ACOX2: variants seen among roughly 807,000 people sequenced by gnomAD.
ACOX2 encodes acyl-CoA oxidase 2.
A neutral mutation model predicts 77.5 loss-of-function variants in ACOX2; 59 were observed. That is an observed-to-expected ratio of 0.76 (90% confidence interval 0.62 to 0.95). The LOEUF (loss-of-function observed/expected upper bound fraction) is 0.95, where lower values mean the gene tolerates loss of function less well. ACOX2 is among the 40% of genes least tolerant of loss of function. The pLI is 0.00. For synonymous variants in ACOX2, 317 were observed against 340.1 expected, an observed-to-expected ratio of 0.93 and a Z score of 0.75; for missense variants, 837 against 880.4, an observed-to-expected ratio of 0.95 and a Z score of 0.62.
chr3:58,505,405 A>T lies in ACOX2; in HGVS notation c.1984-119T>A. The T allele has an allele frequency of 1.2e-6, 1 of 818,586 alleles. No homozygotes were observed. 50.7% of individuals were successfully genotyped at this position (818,586 alleles called of 1,614,324 possible). On this transcript the variant is annotated intron_variant, in intron 14 of 14. Transcript: ENST00000302819. The surrounding 1 kb of genome is among the most constrained non-coding windows in gnomAD (Gnocchi z 4.4). ...AACATTACGTAAGATTCTTAATTTT[A>T]AAAATTATTTCTAAGACTCATTTTG...
rs193083863 is a variant in ACOX2 at position 58,511,173 on chromosome 3, T to A, written c.1851-2148A>T. The A allele has an allele frequency of 7.7e-5, 29 of 376,770 alleles. No homozygotes were observed. In the East Asian group the frequency reaches 2.4e-3, roughly 31 times the overall value. The allele number at this position is 376,770 out of a possible 1,614,324, so 23.3% of individuals were successfully genotyped here. Reference sequence around the variant, plus strand: ...CCTCAGTCCCTCCTTGTCTACTAGATGTCTTTTCCTCTTGCATACTGGAGA... The same window carrying A: ...CCTCAGTCCCTCCTTGTCTACTAGAAGTCTTTTCCTCTTGCATACTGGAGA... On this transcript the variant is annotated intron_variant, in intron 13 of 14. Transcript: ENST00000302819.
intron 13 of ACOX2, chr3:58,511,085 T>C (rs1218637186): frequency 1.8e-5 from 8 of 456,406 alleles, no homozygotes; most frequent in Non-Finnish European, 3.5e-5. Context: ...AGAGAATCTG[T>C]GTAAGTTCCC....
rs1440735633 is a variant in ACOX2 at position 58,521,832 on chromosome 3, C to T, written c.1632+664G>A. On this transcript the variant is annotated intron_variant, in intron 12 of 14. Transcript: ENST00000302819. The surrounding 1 kb of genome is among the most constrained non-coding windows in gnomAD (Gnocchi z 4.8). ...CCCAAGCACACCAGGATCCTTCTTGCTGCTTCCTTTTGCACGCGCAGCTCC... is the reference window on the plus strand; with the variant it reads ...CCCAAGCACACCAGGATCCTTCTTGTTGCTTCCTTTTGCACGCGCAGCTCC... 6.6e-6 allele frequency among the ~76,000 whole-genome samples: 1 copy of T among 152,248 alleles called. No homozygotes were observed.
In ACOX2 at chr3:58,505,323, A is replaced by G; in HGVS notation, c.1984-37T>C. ...AAGAAACGCATTATTAACACAGTAC[A>G]TTTCTGCCAGGATTAATGACTTTCA... On this transcript the variant is annotated intron_variant, in intron 14 of 14. Transcript: ENST00000302819. The surrounding 1 kb of genome is among the most constrained non-coding windows in gnomAD (Gnocchi z 4.4). 1 of 1,527,788 alleles carries G rather than the reference A, an allele frequency of 6.5e-7. No homozygotes were observed. Among genetic ancestry groups the G allele is most frequent in the Non-Finnish European group, 8.9e-7 (1 of 1,119,570 alleles). The allele number at this position is 1,527,788 out of a possible 1,614,324, so 94.6% of individuals were successfully genotyped here.
chr3:58,518,207 T>G (rs2063335957), intron 12 of ACOX2, among the ~76,000 whole-genome samples: 1 of 152,002 alleles, frequency 6.6e-6, no homozygotes, highest in South Asian at 2.1e-4. Flanking sequence ...TCAAGATATA[T>G]ATGAAATTTA....
intron 13 of ACOX2, among the ~76,000 whole-genome samples, chr3:58,509,965 T>A (rs999168379): frequency 5.3e-5 from 8 of 152,146 alleles, no homozygotes; most frequent in Non-Finnish European, 1.2e-4. Context: ...AATATCTTGT[T>A]TATATTGCTG....
Position 58,514,700 on chromosome 3 carries a change from C to T in ACOX2, c.1850+2506G>A, listed in dbSNP as rs775856719. Among the ~76,000 whole-genome samples the T allele has an allele frequency of 7.4e-4, 113 of 152,328 alleles. No individual in the cohort carries two copies. Among genetic ancestry groups the T allele is most frequent in the Middle Eastern group, 3.4e-3 (1 of 294 alleles). On this transcript the variant is annotated intron_variant, in intron 13 of 14. Transcript: ENST00000302819. This position sits in a 1 kb window ranked among gnomAD's most constrained non-coding sequence, Gnocchi z 4.3. ...GGCAGATTGCATCTGGGCTGTCTGT[C>T]TTGTCTTGAATTGTAAGTTTCTGGA...
Position 58,512,656 on chromosome 3 carries a change from C to T in ACOX2, c.1851-3631G>A, listed in dbSNP as rs1035257892. On this transcript the variant is annotated intron_variant, in intron 13 of 14. Transcript: ENST00000302819. The surrounding 1 kb of genome is among the most constrained non-coding windows in gnomAD (Gnocchi z 4.8). ...GCCCCTGTGGCCTCTTCTGTGTTCTCTGGATGGATATGCCAAGCACACTCT... is the reference window on the plus strand; with the variant it reads ...GCCCCTGTGGCCTCTTCTGTGTTCTTTGGATGGATATGCCAAGCACACTCT... Among the ~76,000 whole-genome samples the T allele has an allele frequency of 2.0e-4, 31 of 152,192 alleles. No homozygotes were observed. Among genetic ancestry groups the T allele is most frequent in the Non-Finnish European group, 1.2e-4 (8 of 68,034 alleles).
rs1338247522 is a variant in ACOX2, at chr3:58,530,450, A to G, written c.992+16T>C. On this transcript the variant is annotated intron_variant, in intron 8 of 14. Transcript: ENST00000302819. ...GGCAGCATATCTGCGGTAGTCAGTC[A>G]CTGGGCACCCCTTGCCTGGGCCGGA... 1.2e-6 allele frequency: 2 copies of G among 1,611,926 alleles called. No individual in the cohort carries two copies. Among genetic ancestry groups the G allele is most frequent in the Non-Finnish European group, 1.7e-6 (2 of 1,178,600 alleles).
rs1229789791 is a variant in ACOX2, at chr3:58,523,893, A to G, written c.1526+533T>C. 6.6e-6 allele frequency among the ~76,000 whole-genome samples: 1 copy of G among 152,214 alleles called. No homozygotes were observed. The highest frequency in any genetic ancestry group is 1.5e-5 in the Non-Finnish European group (1 of 68,042). ...TGGCACATTTGTTCATTCCTAACAC[A>G]TAGTAGGTACTGAACAATATTTGTT... On this transcript the variant is annotated intron_variant, in intron 11 of 14. Transcript: ENST00000302819. The surrounding 1 kb of genome is among the most constrained non-coding windows in gnomAD (Gnocchi z 5.3).
Position 58,512,116 on chromosome 3 carries a change from T to C in ACOX2, c.1851-3091A>G, listed in dbSNP as rs2063292377. Among the ~76,000 whole-genome samples, 1 of 152,248 alleles carries C rather than the reference T, an allele frequency of 6.6e-6. No homozygotes were observed. Among genetic ancestry groups the C allele is most frequent in the Admixed American group, 6.5e-5 (1 of 15,284 alleles). On this transcript the variant is annotated intron_variant, in intron 13 of 14. Transcript: ENST00000302819. This position sits in a 1 kb window ranked among gnomAD's most constrained non-coding sequence, Gnocchi z 4.8. ...TCTGATAGGCTCTTCAAAAGTAATG[T>C]ATCTGAACCCAAACTCCTTCCCGTC...
At chr3:58,511,339 T>C in intron 13 of ACOX2, 1 of 375,382 alleles carries the variant, frequency 2.7e-6, no homozygotes, top group Non-Finnish European at 5.2e-6. Flanking sequence ...AGTGGGAAAG[T>C]GGTGCTGGTC....
chr3:58,506,377 C>T (rs2063234200), intron 14 of ACOX2, among the ~76,000 whole-genome samples: 1 of 152,218 alleles, frequency 6.6e-6, no homozygotes, highest in Admixed American at 6.5e-5. Context: ...AGAGCTTCTC[C>T]TATGATTCTA....
rs2108010196 is a variant in ACOX2, at chr3:58,531,994, C to T, written c.584-182G>A. 6.6e-6 allele frequency among the ~76,000 whole-genome samples: 1 copy of T among 152,262 alleles called. No individual in the cohort carries two copies. The highest frequency in any genetic ancestry group is 2.4e-5 in the African/African-American group (1 of 41,552). ...GCAAACCTAGCAGCGTTGGCAAAGG[C>T]ACTGTGAAATGATCCAGCTTTTTTT... On this transcript the variant is annotated intron_variant, in intron 5 of 14. Coordinates refer to ENST00000302819, the MANE Select transcript of ACOX2 (RefSeq NM_003500.4). This position sits in a 1 kb window ranked among gnomAD's most constrained non-coding sequence, Gnocchi z 5.8.
intron 13 of ACOX2, among the ~76,000 whole-genome samples, chr3:58,513,140 GC>G (rs2063299514): frequency 6.6e-6 from 1 of 151,942 alleles, no homozygotes; most frequent in Non-Finnish European, 1.5e-5. Context: ...CTGACCCCCA[GC>G]ATTCTTTCCT....
At position 58,526,510 on chromosome 3, in the gene ACOX2, A is replaced by G. The variant is rs1127745; in HGVS notation, c.1302T>C (p.Cys434=). The part of the protein sequence containing the change: ...PSLVTKLSAS[C]TYEGENTVLY... The stretch of plus-strand genomic sequence containing the variant: ...GCACTGTGTTCTCACCCTCGTAGGT[A>G]CAGGAGGCCGACAATTTGGTGACCA... Residue 434 remains cysteine, a synonymous_variant, in exon 10 of 15, where the codon TGT becomes TGC. Transcript: ENST00000302819. This position sits in a 1 kb window ranked among gnomAD's most constrained non-coding sequence, Gnocchi z 4.3. The G allele has an allele frequency of 0.13, 201,889 of 1,613,910 alleles. 23,975 individuals carry two copies. The highest frequency in any genetic ancestry group is 0.63 in the African/African-American group (47,603 of 74,970).
At chr3:58,530,248 C>T (rs2063427304) in intron 8 of ACOX2, among the ~76,000 whole-genome samples, 1 of 152,238 alleles carries the variant, frequency 6.6e-6, no homozygotes, top group African/African-American at 2.4e-5. Flanking sequence ...GCAGGTTAGG[C>T]CGGCTGGTCA....
Position 58,521,762 on chromosome 3 carries a change from C to G in ACOX2, c.1632+734G>C, listed in dbSNP as rs1486637128. Reference sequence around the variant, plus strand: ...TGCCTGTCTCTCCTTCTCCCCTAGTCTCAGTCCTTCTCCTTAGGTCCTCCT... The same window carrying G: ...TGCCTGTCTCTCCTTCTCCCCTAGTGTCAGTCCTTCTCCTTAGGTCCTCCT... On this transcript the variant is annotated intron_variant, in intron 12 of 14. Transcript: ENST00000302819. The surrounding 1 kb of genome is among the most constrained non-coding windows in gnomAD (Gnocchi z 4.8). Among the ~76,000 whole-genome samples the G allele has an allele frequency of 1.3e-5, 2 of 152,222 alleles. No individual in the cohort carries two copies. The highest frequency in any genetic ancestry group is 2.9e-5 in the Non-Finnish European group (2 of 68,038).
At position 58,534,976 on chromosome 3, in the gene ACOX2, G is replaced by A. The variant is rs1184905524; in HGVS notation, c.131C>T (p.Ala44Val). ...ERLTNILDGGAQNTALRRKVE... is the reference protein window; with the variant it reads ...ERLTNILDGGVQNTALRRKVE... ...TTTCCTGCGGAGTGCAGTGTTCTGG[G>A]CACCTCCATCAAGGATGTTGGTGAG... Residue 44 changes from alanine to valine, a missense_variant, in exon 2 of 15, where the codon GCC becomes GTC. By Grantham distance (64) the Ala-to-Val change is moderately conservative (BLOSUM62 0). Transcript: ENST00000302819. This position sits in a 1 kb window ranked among gnomAD's most constrained non-coding sequence, Gnocchi z 4.8. 2 of 1,614,166 alleles carry A rather than the reference G, an allele frequency of 1.2e-6. No homozygotes were observed. Among genetic ancestry groups the A allele is most frequent in the Non-Finnish European group, 8.5e-7 (1 of 1,180,028 alleles).
Sources: allele counts gnomAD v4.1 joint callset (sites outside exome capture counted in the v4.1 genomes callset), GRCh38; gene constraint gnomAD v4.1.1; non-coding constraint Gnocchi (gnomAD v3.1); transcripts MANE v1.5; gene names NCBI Gene and HGNC (gene_info 2026-07-23, HGNC 2026-07-21).